INPP5A: variants seen among roughly 807,000 people sequenced by gnomAD.
INPP5A encodes inositol polyphosphate-5-phosphatase A, also known as 43 kDa inositol polyphosphate 5-phophatase.
A neutral mutation model predicts 65.2 loss-of-function variants in INPP5A; 14 were observed. The observed-to-expected ratio is 0.21, with a 90% CI of 0.14 to 0.34. The LOEUF is 0.34. Ranked by LOEUF, INPP5A falls within the 10% of genes least tolerant of loss-of-function variation. The pLI is 1.00. For synonymous variants in INPP5A, 207 were observed against 208.3 expected, an observed-to-expected ratio of 0.99 and a Z score of 0.05; for missense variants, 431 against 545.6, an observed-to-expected ratio of 0.79 and a Z score of 2.09.
At chr10:132,633,497 C>T (rs144575854) in intron 2 of INPP5A, among the ~76,000 whole-genome samples, 120 of 152,262 alleles carry the variant, frequency 7.9e-4, no homozygotes, top group Middle Eastern at 6.8e-3. Context: ...GGTGCCCAAG[C>T]GTGGAGTGGG....
At chr10:132,770,493 A>G (rs1027014629) in intron 12 of INPP5A, among the ~76,000 whole-genome samples, 1 of 152,182 alleles carries the variant, frequency 6.6e-6, no homozygotes, top group African/African-American at 2.4e-5. Flanking sequence ...GACTCCTTAC[A>G]TAGTGAAGAG....
chr10:132,673,629 T>G (rs1458734078), intron 4 of INPP5A, among the ~76,000 whole-genome samples: 1 of 152,174 alleles, frequency 6.6e-6, no homozygotes, highest in African/African-American at 2.4e-5. Flanking sequence ...AGCCATAAAG[T>G]GAGTGCCTTG....
rs908300124 is a variant in INPP5A, at chr10:132,545,598, A to C, written c.75+7427A>C. Among the ~76,000 whole-genome samples, 1 of 152,196 alleles carries C rather than the reference A, an allele frequency of 6.6e-6. No homozygotes were observed. ...CCAGTGAAATACCTGTGGGGGCCTTAGGGGAAGAGGGTGCGGAACAGGCAG... is the reference window on the plus strand; with the variant it reads ...CCAGTGAAATACCTGTGGGGGCCTTCGGGGAAGAGGGTGCGGAACAGGCAG... On this transcript the variant is annotated intron_variant, in intron 1 of 15. Transcript: ENST00000368594. This position sits in a 1 kb window ranked among gnomAD's most constrained non-coding sequence, Gnocchi z 4.6.
rs927817663 is a variant in INPP5A at position 132,741,216 on chromosome 10, A to G, written c.733-8301A>G. Among the ~76,000 whole-genome samples the G allele has an allele frequency of 3.3e-5, 5 of 152,178 alleles. No individual in the cohort carries two copies. Among genetic ancestry groups the G allele is most frequent in the African/African-American group, 9.7e-5 (4 of 41,442 alleles). On this transcript the variant is annotated intron_variant, in intron 9 of 15. Transcript: ENST00000368594. The surrounding 1 kb of genome is among the most constrained non-coding windows in gnomAD (Gnocchi z 4.4). ...ACATCACTGCACTCCATCCTGGCCA[A>G]CAGAGGAGGACCCTGTCTCAAAAAC...
chr10:132,652,695 G>C (rs914806263), intron 4 of INPP5A, among the ~76,000 whole-genome samples: 1 of 152,182 alleles, frequency 6.6e-6, no homozygotes, highest in Admixed American at 6.5e-5. Context: ...TAGATATAAA[G>C]ACACAGGTAT....
intron 4 of INPP5A, among the ~76,000 whole-genome samples, chr10:132,660,096 CATT>C (rs1276717373): frequency 1.3e-5 from 2 of 152,146 alleles, no homozygotes; most frequent in African/African-American, 4.8e-5. Flanking sequence ...ACACACGGCA[CATT>C]ATAATGATGT....
chr10:132,626,670 C>T (rs952332090), intron 2 of INPP5A, among the ~76,000 whole-genome samples: 40 of 152,298 alleles, frequency 2.6e-4, no homozygotes, highest in South Asian at 2.1e-3. Context: ...TTCTGGTGTT[C>T]GTTTTAGCCA....
At chr10:132,611,197 G>A (rs1371471618) in intron 2 of INPP5A, among the ~76,000 whole-genome samples, 8 of 146,128 alleles carry the variant, frequency 5.5e-5, no homozygotes, top group Non-Finnish European at 9.0e-5. Flanking sequence ...AGTGAGGGAG[G>A]TGAGGAGTTC....
chr10:132,582,587 T>C (rs2133301708), intron 1 of INPP5A, among the ~76,000 whole-genome samples: 1 of 152,260 alleles, frequency 6.6e-6, no homozygotes, highest in East Asian at 1.9e-4. Context: ...CCAGCTACTT[T>C]TAAAAATAAT....
At chr10:132,734,576 G>T (rs1428953946) in intron 9 of INPP5A, among the ~76,000 whole-genome samples, 1 of 152,238 alleles carries the variant, frequency 6.6e-6, no homozygotes, top group Non-Finnish European at 1.5e-5. Flanking sequence ...TGGCTGCCTT[G>T]TGGGCAGCCC....
intron 8 of INPP5A, among the ~76,000 whole-genome samples, chr10:132,725,768 C>G (rs1398002526): frequency 6.6e-6 from 1 of 152,220 alleles, no homozygotes; most frequent in Non-Finnish European, 1.5e-5. Context: ...TTATTATCTC[C>G]AAATGCAGCG....
At chr10:132,539,988 G>A (rs1160838275) in intron 1 of INPP5A, among the ~76,000 whole-genome samples, 1 of 152,190 alleles carries the variant, frequency 6.6e-6, no homozygotes, top group Non-Finnish European at 1.5e-5. Context: ...ACTTCATCTA[G>A]GTTTATGTTT....
At chr10:132,561,862 A>T (rs1218424284) in intron 1 of INPP5A, among the ~76,000 whole-genome samples, 1 of 151,890 alleles carries the variant, frequency 6.6e-6, no homozygotes, top group Non-Finnish European at 1.5e-5. Flanking sequence ...TGCAGTTCTT[A>T]CTTAATAGGG....
chr10:132,602,897 C>G (rs777409086), intron 1 of INPP5A, among the ~76,000 whole-genome samples: 1 of 152,116 alleles, frequency 6.6e-6, no homozygotes, highest in Non-Finnish European at 1.5e-5. Flanking sequence ...CCTTTTGTGT[C>G]TAGAAAGGCT....
At chr10:132,645,145 G>A (rs2072476240) in intron 2 of INPP5A, among the ~76,000 whole-genome samples, 6 of 152,312 alleles carry the variant, frequency 3.9e-5, no homozygotes, top group Admixed American at 3.3e-4. Flanking sequence ...ACGCTGCAGC[G>A]GTGATTGCTT....
chr10:132,744,754 G>A (rs1590976616), intron 9 of INPP5A, among the ~76,000 whole-genome samples: 1 of 152,222 alleles, frequency 6.6e-6, no homozygotes, highest in Admixed American at 6.5e-5. Context: ...CTCAAGGAGA[G>A]GAAGAAGTTG....
chr10:132,633,867 A>C (rs1164628690), intron 2 of INPP5A, among the ~76,000 whole-genome samples: 1 of 152,218 alleles, frequency 6.6e-6, no homozygotes, highest in Non-Finnish European at 1.5e-5. Flanking sequence ...AGCCCATATA[A>C]ACATGGAGAG....
In INPP5A at chr10:132,675,153, C is replaced by G. The variant is rs569471623; in HGVS notation, c.307-15239C>G. On this transcript the variant is annotated intron_variant, in intron 4 of 15. Coordinates refer to ENST00000368594, the MANE Select transcript of INPP5A (RefSeq NM_005539.5). This position sits in a 1 kb window ranked among gnomAD's most constrained non-coding sequence, Gnocchi z 4.2. ...AAACTCATACCCAGTCAGATTATAA[C>G]AAATCAAGAAAACCATAGAGAGCAT... 6.6e-6 allele frequency among the ~76,000 whole-genome samples: 1 copy of G among 152,308 alleles called. No homozygotes were observed. Among genetic ancestry groups the G allele is most frequent in the South Asian group, 2.1e-4 (1 of 4,822 alleles).
In INPP5A at chr10:132,546,460, A is replaced by G. The variant is rs147764846; in HGVS notation, c.75+8289A>G. Among the ~76,000 whole-genome samples, 417 of 151,342 alleles carry G rather than the reference A, an allele frequency of 2.8e-3. 1 individual carries two copies. Among genetic ancestry groups the G allele is most frequent in the African/African-American group, 9.5e-3 (393 of 41,212 alleles). ...TGACCTTGAGCCGGTTGTCTTCTTGATCCTTCTCTCCGACAGGAGTGTGAG... is the reference window on the plus strand; with the variant it reads ...TGACCTTGAGCCGGTTGTCTTCTTGGTCCTTCTCTCCGACAGGAGTGTGAG... On this transcript the variant is annotated intron_variant, in intron 1 of 15. Coordinates refer to ENST00000368594, the MANE Select transcript of INPP5A (RefSeq NM_005539.5). The surrounding 1 kb of genome is among the most constrained non-coding windows in gnomAD (Gnocchi z 5.7).
Sources: gnomAD v4.1 joint callset for allele counts (sites outside exome capture counted in the v4.1 genomes callset) on GRCh38, gnomAD v4.1.1 for gene constraint, Gnocchi (gnomAD v3.1) non-coding constraint, MANE v1.5 for transcripts, NCBI Gene and HGNC (gene_info 2026-07-23, HGNC 2026-07-21) for gene names.